The following CNOT1 variants were observed in gnomAD, a reference collection of about 807,000 sequenced individuals.
The protein encoded by CNOT1 is CCR4-associated factor 1.
A neutral mutation model predicts 273.8 loss-of-function variants in CNOT1; 15 were observed. The ratio of observed to expected loss-of-function variants is 0.05; its 90% CI spans 0.04 to 0.08. The LOEUF (loss-of-function observed/expected upper bound fraction) is 0.08, where lower values mean the gene tolerates loss of function less well. CNOT1 is among the 10% of genes least tolerant of loss of function. The pLI, the probability that CNOT1 is intolerant of heterozygous loss-of-function variation, is 1.00. For synonymous variants in CNOT1, 1,022 were observed against 1,005.5 expected (o/e 1.02, Z -0.31); for missense variants, 1,644 against 2,912.2 (o/e 0.56, Z 10.02).
chr16:58,524,509 T>TTTA (rs2039519140), intron 46 of CNOT1, among the ~76,000 whole-genome samples: 1 of 152,126 alleles, frequency 6.6e-6, no homozygotes, highest in Non-Finnish European at 1.5e-5. Context: ...ATATCTTGAA[T>TTTA]TTAAGCTGTC....
At chr16:58,534,706 C>T (rs1046280952) in intron 39 of CNOT1, among the ~76,000 whole-genome samples, 5 of 152,206 alleles carry the variant, frequency 3.3e-5, no homozygotes, top group East Asian at 1.9e-4. Context: ...ACAAACTGTT[C>T]GTTAACTGTA....
At chr16:58,548,298 G>A (rs966573618) in intron 25 of CNOT1, among the ~76,000 whole-genome samples, 2 of 152,038 alleles carry the variant, frequency 1.3e-5, no homozygotes, top group Non-Finnish European at 2.9e-5. Flanking sequence ...TCTAAGGGGG[G>A]GCAGAACTAA....
At chr16:58,608,450 G>A (rs1362619534) in intron 1 of CNOT1, among the ~76,000 whole-genome samples, 1 of 151,118 alleles carries the variant, frequency 6.6e-6, no homozygotes, top group Non-Finnish European at 1.5e-5. Context: ...AGCTACTCGG[G>A]AAGCTGAGGC....
chr16:58,613,151 G>A (rs979787817), intron 1 of CNOT1, among the ~76,000 whole-genome samples: 3 of 152,018 alleles, frequency 2.0e-5, no homozygotes, highest in Non-Finnish European at 2.9e-5. Context: ...CCTGCCTCGG[G>A]ATCCTAAGTA....
At chr16:58,579,723 C>T (rs560665997) in intron 12 of CNOT1, among the ~76,000 whole-genome samples, 3 of 152,242 alleles carry the variant, frequency 2.0e-5, no homozygotes, top group East Asian at 3.9e-4. Context: ...ATTCAGGCCG[C>T]GCTCTCTCCC....
intron 29 of CNOT1, 81 bp from the exon 30 acceptor site, chr16:58,545,572 G>A (rs1389315416): frequency 1.3e-6 from 2 of 1,573,016 alleles, no homozygotes; most frequent in Non-Finnish European, 8.6e-7. Flanking sequence ...TCATTAAGTG[G>A]TCATTATCTA....
rs1266707100 is a variant in CNOT1 at position 58,582,076 on chromosome 16, GA to G, written c.1045-562del. Among the ~76,000 whole-genome samples, 5 of 145,736 alleles carry G rather than the reference GA, an allele frequency of 3.4e-5. No homozygotes were observed. The East Asian group carries it at 8.1e-4, about 24-fold the overall frequency. Reference sequence around the variant, plus strand: ...GCGCATTGCCTGAGGTCAGGAGTTTGAGACCAGCCTGACCAACATGATGAAA... The same window carrying G: ...GCGCATTGCCTGAGGTCAGGAGTTTGGACCAGCCTGACCAACATGATGAAA... On this transcript the variant is annotated intron_variant, in intron 10 of 48. Transcript: ENST00000317147.
intron 44 of CNOT1, among the ~76,000 whole-genome samples, chr16:58,527,360 A>G (rs2039629135): frequency 7.2e-6 from 1 of 139,128 alleles, no homozygotes; most frequent in Non-Finnish European, 1.6e-5. Flanking sequence ...GTCACTACTA[A>G]AAATACAAAA....
chr16:58,551,017 C>T (rs867410335), intron 24 of CNOT1, 115 bp downstream of exon 24: 1 of 1,516,878 alleles, frequency 6.6e-7, no homozygotes, highest in African/African-American at 1.4e-5. Context: ...TATACATATT[C>T]CCTTTGAGTT....
chr16:58,583,218 A>T (rs548525233), intron 8 of CNOT1, 36 bp from the exon 9 acceptor site: 4 of 1,608,286 alleles, frequency 2.5e-6, no homozygotes, highest in Non-Finnish European at 3.4e-6. Context: ...AAATGCTACC[A>T]GCCTCAACAC....
At chr16:58,597,843 T>C in intron 2 of CNOT1, 1 of 394,728 alleles carries the variant, frequency 2.5e-6, no homozygotes, top group Non-Finnish European at 4.8e-6. Flanking sequence ...CCCAGGACCA[T>C]GACCAGCAAG....
intron 16 of CNOT1, among the ~76,000 whole-genome samples, chr16:58,562,143 A>G (rs1326744206): frequency 6.6e-6 from 1 of 151,056 alleles, no homozygotes; most frequent in Non-Finnish European, 1.5e-5. Flanking sequence ...AGATTGCACT[A>G]CTGTACTCCA....
rs2040226879 is a variant in CNOT1 at position 58,545,404 on chromosome 16, T to C, written c.4094A>G (p.Tyr1365Cys). ...GTGTGGTGCCAAGCCCGCAAGGGAA[T>C]AGACATTGATGTCGTGGTAGCTGTA... ...PQYSYHDINV[Y>C]SLAGLAPHIT... Residue 1365 changes from tyrosine (Y) to cysteine (C), a missense_variant, in exon 30 of 49, where the codon TAT becomes TGT. Tyr to Cys is a radical substitution (Grantham distance 194). This residue lies in a region of CNOT1 where 133 missense variants were observed against 230.4 expected (regional missense o/e 0.58). Transcript: ENST00000317147. 4.3e-6 allele frequency: 7 copies of C among 1,614,006 alleles called. 1 individual carries two copies. Among genetic ancestry groups the C allele is most frequent in the South Asian group, 3.3e-5 (3 of 91,086 alleles).
At chr16:58,567,340 T>C (rs2041081971) in intron 16 of CNOT1, among the ~76,000 whole-genome samples, 1 of 151,862 alleles carries the variant, frequency 6.6e-6, no homozygotes, top group African/African-American at 2.4e-5. Context: ...GAAATAATGC[T>C]GGCCGGGCGT....
chr16:58,555,719 T>A, intron 20 of CNOT1, 65 bp downstream of exon 20: 1 of 1,596,956 alleles, frequency 6.3e-7, no homozygotes, highest in Non-Finnish European at 8.5e-7. Context: ...TCTAAAAACA[T>A]TGAAAAGGAC....
In CNOT1 at chr16:58,587,193, T is replaced by A. The variant is rs769407912; in HGVS notation, c.433+8A>T. ...CACTTCGTGATATTTTTGGAAAAAG[T>A]AACTCACCGAAACCTCTAAGATCTG... On this transcript the variant is annotated splice_region_variant and intron_variant, in intron 6 of 48. Coordinates refer to ENST00000317147, the MANE Select transcript of CNOT1 (RefSeq NM_016284.5). The A allele has an allele frequency of 3.7e-6, 6 of 1,609,368 alleles. No homozygotes were observed. The South Asian group carries it at 5.5e-5, about 15-fold the overall frequency.
At chr16:58,549,519 A>G (rs889103547) in intron 25 of CNOT1, among the ~76,000 whole-genome samples, 200 bp downstream of exon 25, 25 of 152,220 alleles carry the variant, frequency 1.6e-4, no homozygotes, top group African/African-American at 6.0e-4. Flanking sequence ...GTTACTTTCA[A>G]AGAAAAGGCA....
In CNOT1 at chr16:58,536,545, G is replaced by A. The variant is rs75767072; in HGVS notation, c.5646+444C>T. Reference sequence around the variant, plus strand: ...TGGGAAGTATTTTCCAAAGGAACATGTCACTACGTTTAGGTAGATATTTAA... The same window carrying A: ...TGGGAAGTATTTTCCAAAGGAACATATCACTACGTTTAGGTAGATATTTAA... On this transcript the variant is annotated intron_variant, in intron 39 of 48. Coordinates refer to ENST00000317147, the MANE Select transcript of CNOT1 (RefSeq NM_016284.5). Among the ~76,000 whole-genome samples the A allele has an allele frequency of 4.3e-4, 65 of 152,138 alleles. 1 individual carries two copies. In the East Asian group the frequency reaches 0.011, roughly 26 times the overall value.
chr16:58,532,602 T>G, intron 40 of CNOT1: 1 of 848,678 alleles, frequency 1.2e-6, no homozygotes, highest in Non-Finnish European at 1.7e-6. Flanking sequence ...TCTTTGCATT[T>G]CAACATCCTT....
Sources: allele counts gnomAD v4.1 joint callset (sites outside exome capture counted in the v4.1 genomes callset), GRCh38; gene constraint gnomAD v4.1.1; regional missense constraint gnomAD v4.1.1; transcripts MANE v1.5; gene names NCBI Gene and HGNC (gene_info 2026-07-23, HGNC 2026-07-21).